OCA2: variants seen among roughly 807,000 people sequenced by gnomAD.
OCA2 encodes the protein P protein.
In OCA2, 77 loss-of-function variants were observed where a neutral mutation model predicts 100.2. The observed-to-expected ratio is 0.77, with a 90% CI of 0.64 to 0.93. The LOEUF (loss-of-function observed/expected upper bound fraction) is 0.93, where lower values mean the gene tolerates loss of function less well. Ranked by LOEUF, OCA2 falls within the 40% of genes least tolerant of loss-of-function variation. OCA2 has a pLI of 0.00. For synonymous variants in OCA2, 432 were observed against 439.2 expected (o/e 0.98, Z 0.21); for missense variants, 1,062 against 1,089.1 (o/e 0.98, Z 0.35).
At chr15:28,041,755 A>G (rs2043207675) in intron 2 of OCA2, among the ~76,000 whole-genome samples, 1 of 152,258 alleles carries the variant, frequency 6.6e-6, no homozygotes, top group Non-Finnish European at 1.5e-5. Context: ...AACTACAGCT[A>G]AACAAATCAA....
chr15:28,016,398 T>G (rs2042394582), intron 7 of OCA2, among the ~76,000 whole-genome samples: 1 of 152,160 alleles, frequency 6.6e-6, no homozygotes, highest in Non-Finnish European at 1.5e-5. Context: ...AGAGCTTTGT[T>G]TAAGAAAAAG....
chr15:27,827,744 T>C (rs759369936), intron 23 of OCA2, among the ~76,000 whole-genome samples: 6 of 152,206 alleles, frequency 3.9e-5, no homozygotes, highest in Non-Finnish European at 8.8e-5. Flanking sequence ...GAGCTGAATA[T>C]AGACGTATTT....
chr15:28,064,894 TG>T (rs2043979385), intron 2 of OCA2, among the ~76,000 whole-genome samples: 1 of 151,924 alleles, frequency 6.6e-6, no homozygotes, highest in African/African-American at 2.4e-5. Context: ...AACACTTTGT[TG>T]TTGGTGGCAG....
intron 9 of OCA2, among the ~76,000 whole-genome samples, chr15:28,003,159 C>G (rs1266402257): frequency 6.6e-6 from 1 of 152,364 alleles, no homozygotes; most frequent in African/African-American, 2.4e-5. Context: ...ATTTTCAGTA[C>G]TCAGTTCCTA....
At chr15:27,814,945 T>G (rs56194715) in intron 23 of OCA2, among the ~76,000 whole-genome samples, 29,200 of 107,224 alleles carry the variant, frequency 0.27, 3,744 homozygotes, top group South Asian at 0.37. Context: ...GATAGATAGA[T>G]ACAGAGATAT....
chr15:27,867,784 G>A (rs923182536), intron 21 of OCA2, among the ~76,000 whole-genome samples: 1 of 152,224 alleles, frequency 6.6e-6, no homozygotes, highest in African/African-American at 2.4e-5. Context: ...CACATTATAT[G>A]AGCAATATAT....
chr15:27,839,372 T>C (rs536749273), intron 23 of OCA2, among the ~76,000 whole-genome samples: 1 of 152,324 alleles, frequency 6.6e-6, no homozygotes, highest in South Asian at 2.1e-4. Flanking sequence ...GTCATATCAA[T>C]AAATGTGAGT....
chr15:27,791,302 CTTA>C (rs1188233744), intron 23 of OCA2, among the ~76,000 whole-genome samples: 20 of 152,300 alleles, frequency 1.3e-4, no homozygotes, highest in African/African-American at 4.6e-4. Context: ...AAAAGACACT[CTTA>C]ATGAGTAGGA....
intron 1 of OCA2, among the ~76,000 whole-genome samples, chr15:28,097,365 G>A (rs1233379270): frequency 6.6e-6 from 1 of 152,250 alleles, no homozygotes; most frequent in Non-Finnish European, 1.5e-5. Context: ...CGAGTGAGCT[G>A]GTAGAGCCAG....
At chr15:27,792,188 G>A (rs1262654656) in intron 23 of OCA2, among the ~76,000 whole-genome samples, 1 of 152,148 alleles carries the variant, frequency 6.6e-6, no homozygotes, top group Admixed American at 6.5e-5. Context: ...AGTAGAGGAG[G>A]GACCATCTTC....
intron 2 of OCA2, among the ~76,000 whole-genome samples, chr15:28,050,240 G>A (rs1049365542): frequency 2.6e-5 from 4 of 152,034 alleles, no homozygotes; most frequent in South Asian, 2.1e-4. Flanking sequence ...AGCTTTGATC[G>A]CACCATTGCA....
At chr15:28,085,920 A>G (rs2044768320) in intron 1 of OCA2, among the ~76,000 whole-genome samples, 1 of 152,310 alleles carries the variant, frequency 6.6e-6, no homozygotes. Flanking sequence ...CTTTTAGACA[A>G]TATCTGTTCT....
At chr15:27,942,650 T>C (rs1264392543) in intron 18 of OCA2, among the ~76,000 whole-genome samples, 1 of 152,184 alleles carries the variant, frequency 6.6e-6, no homozygotes, top group Non-Finnish European at 1.5e-5. Flanking sequence ...TTTTGCAAGA[T>C]AAATTTTATG....
chr15:28,005,299 G>C (rs1385414718), intron 9 of OCA2, among the ~76,000 whole-genome samples: 2 of 151,882 alleles, frequency 1.3e-5, no homozygotes, highest in Non-Finnish European at 2.9e-5. Context: ...CCAAGCCCCC[G>C]TCTCCCCAAG....
At chr15:27,993,733 C>T (rs149124603) in intron 9 of OCA2, among the ~76,000 whole-genome samples, 261 of 152,264 alleles carry the variant, frequency 1.7e-3, no homozygotes, top group African/African-American at 6.1e-3. Flanking sequence ...ATCTCTGTGG[C>T]CCACAGTGAG....
chr15:28,027,855 C>G lies in OCA2; in HGVS notation c.515+16G>C. 6.2e-7 allele frequency: 1 copy of G among 1,611,652 alleles called. No individual in the cohort carries two copies. The highest frequency in any genetic ancestry group is 8.5e-7 in the Non-Finnish European group (1 of 1,179,964). On this transcript the variant is annotated intron_variant, in intron 4 of 23. Transcript: ENST00000354638. Reference sequence around the variant, plus strand: ...GCCACCGCTGCTGCCAGGGTGGGCACCCCAAGTCCGCCTACCTCAGCTTGG... The same window carrying G: ...GCCACCGCTGCTGCCAGGGTGGGCAGCCCAAGTCCGCCTACCTCAGCTTGG...
intron 19 of OCA2, among the ~76,000 whole-genome samples, chr15:27,905,023 G>T (rs1459409475): frequency 6.6e-6 from 1 of 152,102 alleles, no homozygotes; most frequent in Non-Finnish European, 1.5e-5. Context: ...AATTAGCCGG[G>T]CGTGGTGGTG....
intron 19 of OCA2, among the ~76,000 whole-genome samples, chr15:27,913,838 G>GAAA (rs1555430803): frequency 1.3e-3 from 47 of 37,024 alleles, no homozygotes; most frequent in East Asian, 2.9e-3. Context: ...AAGAAAGAAA[G>GAAA]GAAAGAAAGA....
intron 23 of OCA2, among the ~76,000 whole-genome samples, chr15:27,839,701 C>A (rs1217185519): frequency 6.6e-6 from 1 of 152,098 alleles, no homozygotes; most frequent in African/African-American, 2.4e-5. Flanking sequence ...AATAAAGAGA[C>A]ACACTTGTAA....
Sources: gnomAD v4.1 joint callset for allele counts (sites outside exome capture counted in the v4.1 genomes callset) on GRCh38, gnomAD v4.1.1 for gene constraint, MANE v1.5 for transcripts, NCBI Gene and HGNC (gene_info 2026-07-23, HGNC 2026-07-21) for gene names.